Variants in CERT1 observed in about 807,000 individuals in gnomAD.
CERT1 encodes the protein ceramide transporter 1, also known as ceramide transfer protein.
CERT1 carries 31 observed loss-of-function variants against 87.9 expected under a neutral mutation model. The observed-to-expected ratio is 0.35, with a 90% CI of 0.27 to 0.48. The LOEUF is 0.48. Among genes scored for constraint, CERT1 ranks in the 20% least tolerant of loss-of-function variants. The pLI, the probability that CERT1 is intolerant of heterozygous loss-of-function variation, is 0.99. For missense variants in CERT1, 487 were observed against 758.0 expected, an observed-to-expected ratio of 0.64 and a Z score of 4.20; for synonymous variants, 289 against 250.9, an observed-to-expected ratio of 1.15 and a Z score of -1.44.
In CERT1 at chr5:75,426,480, T is replaced by TAAA; in HGVS notation, c.349-5_349-3dup. The stretch of plus-strand genomic sequence containing the variant: ...TTCAGATCCATATCCAGATTCAGTC[T>TAAA]AAAAAAAAAAGTAAACTATGTGAAA... On this transcript the variant is annotated splice_region_variant and splice_polypyrimidine_tract_variant and intron_variant, in intron 3 of 16. Transcript: ENST00000643780. 3 of 1,381,680 alleles carry TAAA rather than the reference T, an allele frequency of 2.2e-6. No individual in the cohort carries two copies. Among genetic ancestry groups the TAAA allele is most frequent in the Non-Finnish European group, 2.0e-6 (2 of 1,018,592 alleles). 85.6% of individuals were successfully genotyped at this position (1,381,680 alleles called of 1,614,324 possible).
chr5:75,426,140 C>G (rs1399945995), intron 4 of CERT1, among the ~76,000 whole-genome samples: 1 of 152,040 alleles, frequency 6.6e-6, no homozygotes, highest in Non-Finnish European at 1.5e-5. Flanking sequence ...TCCTTTGAAC[C>G]AGTTTTTTTA....
intron 2 of CERT1, among the ~76,000 whole-genome samples, chr5:75,504,539 C>T (rs1767564015): frequency 6.6e-6 from 1 of 152,092 alleles, no homozygotes; most frequent in South Asian, 2.1e-4. Flanking sequence ...AACAAACATA[C>T]GCTAAGTAAG....
chr5:75,475,607 CA>C (rs1765920892), intron 2 of CERT1, among the ~76,000 whole-genome samples: 1 of 152,098 alleles, frequency 6.6e-6, no homozygotes, highest in African/African-American at 2.4e-5. Context: ...TTGAAAATTA[CA>C]CTGTTCCTGG....
chr5:75,397,981 T>C (rs1048848429), intron 11 of CERT1, among the ~76,000 whole-genome samples: 2 of 152,070 alleles, frequency 1.3e-5, no homozygotes, highest in Admixed American at 1.3e-4. Flanking sequence ...ATCGTGCCAC[T>C]GCACTCCAGC....
intron 2 of CERT1, among the ~76,000 whole-genome samples, chr5:75,467,147 G>C (rs1341152542): frequency 6.6e-6 from 1 of 152,122 alleles, no homozygotes; most frequent in African/African-American, 2.4e-5. Context: ...ACCAATTATT[G>C]ATGCATTCAG....
At chr5:75,374,136 CTTT>C (rs545323650), downstream of CERT1, 3 of 322,602 alleles carry the variant, frequency 9.3e-6, no homozygotes, top group African/African-American at 7.1e-5. Flanking sequence ...GAGCATTCAG[CTTT>C]TTTTTTTCTT....
intron 2 of CERT1, 29 bp from the exon 3 acceptor site, chr5:75,459,210 C>G: frequency 7.2e-7 from 1 of 1,381,740 alleles, no homozygotes; most frequent in Non-Finnish European, 1.0e-6. Flanking sequence ...AAATGAAAAG[C>G]AAAGCTAATT....
At chr5:75,405,200 C>T (rs573519438) in intron 8 of CERT1, among the ~76,000 whole-genome samples, 21 of 152,202 alleles carry the variant, frequency 1.4e-4, no homozygotes, top group Non-Finnish European at 2.6e-4. Flanking sequence ...TACTTATCTG[C>T]CCCCTTAGAA....
At chr5:75,480,654 C>G (rs1210062622) in intron 2 of CERT1, among the ~76,000 whole-genome samples, 1 of 152,228 alleles carries the variant, frequency 6.6e-6, no homozygotes, top group Non-Finnish European at 1.5e-5. Context: ...TAATGCCTAA[C>G]AGCCTTCTCA....
chr5:75,388,066 C>T (rs1009644606), intron 12 of CERT1, among the ~76,000 whole-genome samples: 15 of 152,280 alleles, frequency 9.9e-5, no homozygotes, highest in Non-Finnish European at 1.5e-4. Flanking sequence ...CCCTTTCTTC[C>T]GCGAAGAGCA....
intron 7 of CERT1, among the ~76,000 whole-genome samples, chr5:75,411,787 T>C (rs1032220568): frequency 3.3e-5 from 5 of 152,122 alleles, no homozygotes; most frequent in African/African-American, 1.2e-4. Flanking sequence ...CCAACCCCAG[T>C]TAAGAGATAC....
intron 2 of CERT1, among the ~76,000 whole-genome samples, chr5:75,504,405 C>T (rs1038697764): frequency 2.0e-5 from 3 of 152,078 alleles, no homozygotes; most frequent in African/African-American, 7.2e-5. Context: ...CCAAATATTT[C>T]TTCTGTGTTT....
chr5:75,469,754 G>A (rs1016071805), intron 2 of CERT1, among the ~76,000 whole-genome samples: 24 of 152,114 alleles, frequency 1.6e-4, no homozygotes, highest in African/African-American at 5.5e-4. Context: ...AATATAAATG[G>A]ATTAAATTCT....
chr5:75,479,771 T>C (rs373316738), intron 2 of CERT1, among the ~76,000 whole-genome samples: 15 of 152,224 alleles, frequency 9.9e-5, no homozygotes, highest in African/African-American at 3.4e-4. Flanking sequence ...TGTGTCTTTA[T>C]GGCAGAAGGA....
chr5:75,459,962 CAAAAAAAAAA>C (rs753591061), intron 2 of CERT1, among the ~76,000 whole-genome samples: 14 of 25,552 alleles, frequency 5.5e-4, no homozygotes, highest in South Asian at 1.5e-3. Flanking sequence ...TCCTCCGTCT[CAAAAAAAAAA>C]AAAAAAAAAA....
rs117320541 is a variant in CERT1, at chr5:75,471,486, C to A, written c.232-12305G>T. On this transcript the variant is annotated intron_variant, in intron 2 of 16. Transcript: ENST00000643780. Reference sequence around the variant, plus strand: ...GCTTAGAAGTGGTATGCTGGGCAGACGTGGTGGCTCATGCCTGTAATCCCA... The same window carrying A: ...GCTTAGAAGTGGTATGCTGGGCAGAAGTGGTGGCTCATGCCTGTAATCCCA... 2.1e-3 allele frequency among the ~76,000 whole-genome samples: 317 copies of A among 152,142 alleles called. 1 individual carries two copies. The East Asian group carries it at 0.027, about 13-fold the overall frequency.
At chr5:75,482,214 TCAC>T (rs983325800) in intron 2 of CERT1, among the ~76,000 whole-genome samples, 1 of 152,086 alleles carries the variant, frequency 6.6e-6, no homozygotes, top group Admixed American at 6.6e-5. Flanking sequence ...CTTGCAGGAT[TCAC>T]CACAAGATGA....
At chr5:75,469,929 T>A (rs1326849697) in intron 2 of CERT1, among the ~76,000 whole-genome samples, 2 of 152,146 alleles carry the variant, frequency 1.3e-5, no homozygotes, top group African/African-American at 4.8e-5. Context: ...TATACTTCTA[T>A]CAGATGAAAT....
At chr5:75,382,669 C>T (rs766336915) in intron 14 of CERT1, among the ~76,000 whole-genome samples, 8 of 151,398 alleles carry the variant, frequency 5.3e-5, no homozygotes, top group Non-Finnish European at 1.0e-4. Flanking sequence ...AGAAAAAAAA[C>T]CTTTTATCCT....
Sources: gnomAD v4.1 joint callset for allele counts (sites outside exome capture counted in the v4.1 genomes callset) on GRCh38, gnomAD v4.1.1 for gene constraint, MANE v1.5 for transcripts, NCBI Gene and HGNC (gene_info 2026-07-23, HGNC 2026-07-21) for gene names.